ANKRD26: variants seen among roughly 807,000 people sequenced by gnomAD.
ANKRD26 encodes the protein ankyrin repeat domain-containing protein 26.
In ANKRD26, 141 loss-of-function variants were observed where a neutral mutation model predicts 208.7. The observed-to-expected ratio is 0.68, with a 90% CI of 0.59 to 0.78. The LOEUF (loss-of-function observed/expected upper bound fraction) is 0.78, where lower values mean the gene tolerates loss of function less well. Among genes scored for constraint, ANKRD26 ranks in the 30% least tolerant of loss-of-function variants. ANKRD26 has a pLI of 0.00. For synonymous variants in ANKRD26, 636 were observed against 660.4 expected (o/e 0.96, Z 0.57); for missense variants, 1,889 against 1,938.7 (o/e 0.97, Z 0.48).
rs755561695 is a variant in ANKRD26 at position 27,033,363 on chromosome 10, T to C, written c.3669A>G (p.Gln1223=). 1 of 1,609,812 alleles carries C rather than the reference T, an allele frequency of 6.2e-7. No individual in the cohort carries two copies. Among genetic ancestry groups the C allele is most frequent in the South Asian group, 1.1e-5 (1 of 90,336 alleles). ...EKAEREVVVR[Q]LQQELADTLK... ...GGGTATCAGCTAGTTCTTGTTGAAG[T>C]TGTCTCACAACAACCTGATAAGACA... The change falls in exon 25 of 34, where the codon CAA becomes CAG. Residue 1223 remains glutamine (Q), a synonymous_variant. Transcript: ENST00000376087.
chr10:27,017,283 T>G (rs2053328172), intron 30 of ANKRD26, among the ~76,000 whole-genome samples: 1 of 152,188 alleles, frequency 6.6e-6, no homozygotes, highest in Non-Finnish European at 1.5e-5. Context: ...GTCTTAATAG[T>G]CAAATAATTC....
chr10:26,989,444 A>T (rs1232426452), downstream of ANKRD26, among the ~76,000 whole-genome samples: 1 of 152,192 alleles, frequency 6.6e-6, no homozygotes, highest in Non-Finnish European at 1.5e-5. Flanking sequence ...GATGAAAAAG[A>T]CTTATGGGCA....
At chr10:27,051,774 T>C in intron 16 of ANKRD26, 1 of 985,352 alleles carries the variant, frequency 1.0e-6, no homozygotes, top group Non-Finnish European at 1.2e-6. Context: ...ATCAAGTATA[T>C]TATTTGTCAA....
chr10:27,019,685 T>C (rs60194839), intron 29 of ANKRD26, among the ~76,000 whole-genome samples: 10 of 152,356 alleles, frequency 6.6e-5, no homozygotes, highest in African/African-American at 2.2e-4. Context: ...CTCCTGGCTA[T>C]CTGCTTAACA....
At chr10:27,021,979 C>T (rs1440532564) in intron 29 of ANKRD26, among the ~76,000 whole-genome samples, 1 of 152,040 alleles carries the variant, frequency 6.6e-6, no homozygotes, top group Non-Finnish European at 1.5e-5. Context: ...AAATTTTCTC[C>T]CATTCTGTAG....
intron 6 of ANKRD26, among the ~76,000 whole-genome samples, chr10:27,079,610 T>G (rs773151703): frequency 1.3e-5 from 2 of 152,078 alleles, no homozygotes; most frequent in African/African-American, 2.4e-5. Flanking sequence ...TCCCAGAACT[T>G]TGGGAGGCGG....
In ANKRD26 at chr10:27,012,911, T is replaced by C. The variant is rs199699340; in HGVS notation, c.4924A>G (p.Asn1642Asp). ...CTCAAGTAGTTCTCCATGCTATTAT[T>C]TGAAGCCCGTGGATTTGAGGTAGAG... ...VISTSNPRAS[N>D]NSMENYLSKM... Residue 1642 changes from asparagine to aspartate, a missense_variant, in exon 32 of 34, where the codon AAT (asparagine) becomes GAT (aspartate). Physicochemically the swap from Asn to Asp is conservative, Grantham distance 23 (BLOSUM62 1). This residue lies in a region of ANKRD26 where 613 missense variants were observed against 648.2 expected (regional missense o/e 0.95). Transcript: ENST00000376087. The C allele has an allele frequency of 6.0e-5, 97 of 1,613,910 alleles. No individual in the cohort carries two copies. The highest frequency in any genetic ancestry group is 1.6e-4 in the Middle Eastern group (1 of 6,084).
intron 10 of ANKRD26, 91 bp from the exon 11 acceptor site, chr10:27,066,639 C>A: frequency 2.6e-6 from 2 of 763,706 alleles, no homozygotes; most frequent in South Asian, 2.3e-5. Context: ...AGTCTATCTC[C>A]ATTCATGAAT....
chr10:27,009,238 G>C (rs1310731341), intron 32 of ANKRD26, among the ~76,000 whole-genome samples: 2 of 152,202 alleles, frequency 1.3e-5, no homozygotes, highest in East Asian at 3.9e-4. Flanking sequence ...AAAAGGGGCA[G>C]ACCCAGAACC....
At chr10:26,988,821 A>C (rs1238960270), downstream of ANKRD26, among the ~76,000 whole-genome samples, 1 of 151,700 alleles carries the variant, frequency 6.6e-6, no homozygotes, top group African/African-American at 2.4e-5. Context: ...CAAGGTAGGA[A>C]GATCACTTGA....
At position 27,005,536 on chromosome 10, in the gene ANKRD26, A is replaced by G; in HGVS notation, c.*54T>C. ...ATATTTTTACATGTCATATATTAAT[A>G]TTTAATGAGAAACAAAATGTCACAT... On this transcript the variant is annotated 3_prime_UTR_variant, in exon 34 of 34. Coordinates refer to ENST00000376087, the MANE Select transcript of ANKRD26 (RefSeq NM_014915.3). The G allele has an allele frequency of 6.3e-7, 1 of 1,581,854 alleles. No individual in the cohort carries two copies. The highest frequency in any genetic ancestry group is 1.1e-5 in the South Asian group (1 of 87,936).
chr10:27,063,881 A>G (rs1257453030), intron 12 of ANKRD26, 107 bp downstream of exon 12: 6 of 886,906 alleles, frequency 6.8e-6, no homozygotes, highest in Non-Finnish European at 1.1e-5. Flanking sequence ...TATTCTTACT[A>G]TGCATTTAAT....
intron 4 of ANKRD26, among the ~76,000 whole-genome samples, chr10:27,088,772 C>T (rs1481810226): frequency 6.6e-6 from 1 of 152,194 alleles, no homozygotes; most frequent in Non-Finnish European, 1.5e-5. Context: ...TGATCTCTTC[C>T]TGCAACATTA....
intron 20 of ANKRD26, among the ~76,000 whole-genome samples, chr10:27,041,330 T>C (rs527519642): frequency 1.3e-5 from 2 of 152,072 alleles, no homozygotes; most frequent in South Asian, 2.1e-4. Flanking sequence ...TAGGAAACTA[T>C]CTGAAACCAA....
chr10:26,996,450 C>T (rs1266370581), intron 4 of ANKRD26, among the ~76,000 whole-genome samples: 2 of 152,200 alleles, frequency 1.3e-5, no homozygotes, highest in African/African-American at 4.8e-5. Flanking sequence ...ATCACAGCTA[C>T]TCAGGAGGCT....
chr10:27,025,948 A>G (rs2053644783), intron 27 of ANKRD26, among the ~76,000 whole-genome samples: 1 of 152,040 alleles, frequency 6.6e-6, no homozygotes, highest in African/African-American at 2.4e-5. Flanking sequence ...GTTGATTCTT[A>G]TTGGTGTTAT....
chr10:27,034,837 CT>C lies in ANKRD26; in HGVS notation c.3612del (p.Glu1205LysfsTer17), dbSNP rs1564373586. ...KELISECNHL[K>X]ERQYQYENEK... ...TCATTTTCATATTGATACTGTCTTT[CT>C]TTTAAGTGATTACATTCACTGATTA... On this transcript the variant is annotated frameshift_variant, in exon 24 of 34. Transcript: ENST00000376087. LOFTEE classifies it high-confidence loss of function. 6.2e-7 allele frequency: 1 copy of C among 1,610,252 alleles called. No individual in the cohort carries two copies. The highest frequency in any genetic ancestry group is 2.2e-5 in the East Asian group (1 of 44,776).
chr10:27,023,872 G>A (rs2053572273), intron 28 of ANKRD26, among the ~76,000 whole-genome samples: 1 of 151,802 alleles, frequency 6.6e-6, no homozygotes, highest in African/African-American at 2.4e-5. Flanking sequence ...ATATGTATGA[G>A]GCATATATGT....
At chr10:27,080,756 C>G in intron 6 of ANKRD26, 1 of 985,472 alleles carries the variant, frequency 1.0e-6, no homozygotes, top group Non-Finnish European at 1.2e-6. Flanking sequence ...AGTAGAAGCT[C>G]TCTATATCTC....
Sources: gnomAD v4.1 joint callset for allele counts (sites outside exome capture counted in the v4.1 genomes callset) on GRCh38, gnomAD v4.1.1 for gene constraint, gnomAD v4.1.1 regional missense constraint, MANE v1.5 for transcripts, NCBI Gene and HGNC (gene_info 2026-07-23, HGNC 2026-07-21) for gene names.